GRIN1: variants seen among roughly 807,000 people sequenced by gnomAD.
The protein encoded by GRIN1 is glutamate receptor ionotropic, NMDA 1.
Under a neutral mutation model 103.0 loss-of-function variants are expected in GRIN1, and 38 were observed. The observed-to-expected ratio is 0.37, with a 90% CI of 0.28 to 0.48. The LOEUF is 0.48. Ranked by LOEUF, GRIN1 falls within the 20% of genes least tolerant of loss-of-function variation. The pLI, the probability that GRIN1 is intolerant of heterozygous loss-of-function variation, is 0.98. For missense variants in GRIN1, 577 were observed against 1,288.9 expected, an observed-to-expected ratio of 0.45 and a Z score of 8.46; for synonymous variants, 544 against 532.7, an observed-to-expected ratio of 1.02 and a Z score of -0.29.
At chr9:137,154,618 A>G (rs1833113816) in intron 4 of GRIN1, among the ~76,000 whole-genome samples, 2 of 150,970 alleles carry the variant, frequency 1.3e-5, no homozygotes, top group South Asian at 4.2e-4. Flanking sequence ...CACCCCGGCT[A>G]ATTTTTTTGT....
intron 8 of GRIN1, among the ~76,000 whole-genome samples, chr9:137,159,679 A>AT (rs1356427418): frequency 1.3e-5 from 2 of 152,362 alleles, no homozygotes; most frequent in East Asian, 1.9e-4. Flanking sequence ...GGCCTCACTA[A>AT]TTTTTTAAAA....
intron 2 of GRIN1, among the ~76,000 whole-genome samples, chr9:137,144,387 G>A (rs558429127): frequency 2.6e-5 from 4 of 151,262 alleles, no homozygotes; most frequent in Admixed American, 2.0e-4. Context: ...GGGCGCGGTG[G>A]CTCACGCCTG....
Position 137,168,141 on chromosome 9 carries a change from C to T in GRIN1, c.*614C>T. On this transcript the variant is annotated 3_prime_UTR_variant, in exon 20 of 20. Transcript: ENST00000371561. ...GGAGCGGGGGCTAACTGGCCCCAGG[C>T]GGAGGGGCTTGGAGCAGAGACGGCA... is the stretch of plus-strand genomic sequence containing the variant. The T allele has an allele frequency of 1.9e-6, 1 of 517,328 alleles. No individual in the cohort carries two copies. The highest frequency in any genetic ancestry group is 3.5e-6 in the Non-Finnish European group (1 of 289,010). The allele number at this position is 517,328 out of a possible 1,614,324, so 32.0% of individuals were successfully genotyped here.
chr9:137,153,056 C>T (rs574578772), intron 4 of GRIN1, among the ~76,000 whole-genome samples: 4 of 151,682 alleles, frequency 2.6e-5, no homozygotes, highest in East Asian at 1.9e-4. Context: ...AACACATACA[C>T]GTGCACACAT....
intron 19 of GRIN1, among the ~76,000 whole-genome samples, chr9:137,167,178 T>C (rs1833927098): frequency 6.6e-6 from 1 of 151,362 alleles, no homozygotes; most frequent in African/African-American, 2.4e-5. Flanking sequence ...CAGCTGGGGG[T>C]CTGGGCAGGG....
chr9:137,160,790 A>C (rs963643618), intron 8 of GRIN1, among the ~76,000 whole-genome samples: 6 of 152,328 alleles, frequency 3.9e-5, no homozygotes, highest in Middle Eastern at 3.4e-3. Context: ...CCAGCTCTCC[A>C]GGAGTCTTTT....
rs367543116 is a variant in GRIN1 at position 137,163,211 on chromosome 9, C to T, written c.2214C>T (p.Phe738=). 3.8e-5 allele frequency: 62 copies of T among 1,613,602 alleles called. No homozygotes were observed. The African/African-American group carries it at 7.6e-4, about 20-fold the overall frequency. The change falls in exon 16 of 20, where the codon TTC becomes TTT. Residue 738 remains phenylalanine, a synonymous_variant. Coordinates refer to ENST00000371561, the MANE Select transcript of GRIN1 (RefSeq NM_007327.4). ...TCTGGGACTCGGCGGTGCTGGAGTT[C>T]GAGGCCTCGCAGAAGTGCGACCTGG... The part of the protein sequence containing the change: ...AFIWDSAVLE[F]EASQKCDLVT...
rs768074099 is a variant in GRIN1, at chr9:137,161,151, CAAG to C, written c.1297_1299del (p.Lys433del). On this transcript the variant is annotated inframe_deletion, in exon 9 of 20. Transcript: ENST00000371561. ...AGTTCACAGTCAACGGCGACCCAGT[CAAG>C]AAGGTGATCTGCACCGGGCCCAACG... 3 of 1,612,462 alleles carry C rather than the reference CAAG, an allele frequency of 1.9e-6. No homozygotes were observed. In the South Asian group the frequency reaches 3.3e-5, roughly 18 times the overall value.
chr9:137,147,857 G>T (rs1395722031), intron 3 of GRIN1, among the ~76,000 whole-genome samples: 2 of 152,210 alleles, frequency 1.3e-5, no homozygotes, highest in Non-Finnish European at 2.9e-5. Context: ...GCGGCAGGTG[G>T]GGCTCCCTCC....
At position 137,167,875 on chromosome 9, in the gene GRIN1, C is replaced by G; in HGVS notation, c.*348C>G. On this transcript the variant is annotated 3_prime_UTR_variant, in exon 20 of 20. Coordinates refer to ENST00000371561, the MANE Select transcript of GRIN1 (RefSeq NM_007327.4). ...GGAGGCGCCCACCTGCCCAGTTAGC[C>G]CGGCCAAGGACACTGATGGGTCCTG... is the stretch of plus-strand genomic sequence containing the variant. The G allele has an allele frequency of 6.3e-7, 1 of 1,593,274 alleles. No individual in the cohort carries two copies.
chr9:137,150,700 G>T (rs1321921571), intron 4 of GRIN1, among the ~76,000 whole-genome samples: 1 of 105,744 alleles, frequency 9.5e-6, no homozygotes, highest in Non-Finnish European at 1.9e-5. Context: ...AAAAAGACCT[G>T]CCCAGGGAAA....
At chr9:137,157,102 A>AGATGG in intron 6 of GRIN1, 65 bp downstream of exon 6, 1 of 589,582 alleles carries the variant, frequency 1.7e-6, no homozygotes, top group Admixed American at 3.1e-5. Context: ...GTCACTCCAG[A>AGATGG]GATGGGCGGG....
intron 4 of GRIN1, 74 bp downstream of exon 4, chr9:137,149,183 G>C (rs561465871): frequency 2.1e-4 from 223 of 1,041,828 alleles, no homozygotes; most frequent in South Asian, 2.6e-4. Context: ...CTGAGCCAGA[G>C]CTGGGACATT....
intron 2 of GRIN1, among the ~76,000 whole-genome samples, chr9:137,142,609 C>T (rs1832238491): frequency 1.3e-5 from 2 of 152,326 alleles, no homozygotes; most frequent in South Asian, 2.1e-4. Flanking sequence ...CCAGTGACAC[C>T]CCCTCAGGAC....
chr9:137,165,284 C>T lies in GRIN1; in HGVS notation c.2688C>T (p.Ser896=), dbSNP rs774575241. The change falls in exon 19 of 20, where the codon TCC becomes TCT. Residue 896 remains serine, a synonymous_variant. Coordinates refer to ENST00000371561, the MANE Select transcript of GRIN1 (RefSeq NM_007327.4). Reference sequence around the variant, plus strand: ...CTTCCAGCTTCAAGAGGCGTAGGTCCTCCAAAGACACGGTAAGGGGGAGAG... The same window carrying T: ...CTTCCAGCTTCAAGAGGCGTAGGTCTTCCAAAGACACGGTAAGGGGGAGAG... ...TLASSFKRRR[S]SKDTSTGGGR... 1.4e-5 allele frequency: 22 copies of T among 1,603,930 alleles called. 1 individual carries two copies. The highest frequency in any genetic ancestry group is 1.6e-5 in the Non-Finnish European group (19 of 1,172,432).
At chr9:137,144,392 C>A (rs375065301) in intron 2 of GRIN1, among the ~76,000 whole-genome samples, 22 of 149,400 alleles carry the variant, frequency 1.5e-4, no homozygotes, top group Non-Finnish European at 2.7e-4. Flanking sequence ...CGGTGGCTCA[C>A]GCCTGTAATC....
intron 10 of GRIN1, 110 bp downstream of exon 10, chr9:137,161,526 G>T (rs1170435098): frequency 1.9e-6 from 2 of 1,054,226 alleles, no homozygotes; most frequent in African/African-American, 3.2e-5. Context: ...GGGTCCTGGG[G>T]TGAGTGGGGC....
At chr9:137,155,162 CA>C (rs1223834381) in intron 4 of GRIN1, among the ~76,000 whole-genome samples, 2 of 152,226 alleles carry the variant, frequency 1.3e-5, no homozygotes, top group African/African-American at 4.8e-5. Context: ...CTTTTGTTTA[CA>C]ACTGTTTTGC....
chr9:137,161,869 T>C, intron 10 of GRIN1, 55 bp from the exon 11 acceptor site: 1 of 1,536,174 alleles, frequency 6.5e-7, no homozygotes, highest in Non-Finnish European at 8.8e-7. Context: ...GGGGTACCTG[T>C]GGCGGGAGCT....
Sources: gnomAD v4.1 joint callset for allele counts (sites outside exome capture counted in the v4.1 genomes callset) on GRCh38, gnomAD v4.1.1 for gene constraint, MANE v1.5 for transcripts, NCBI Gene and HGNC (gene_info 2026-07-23, HGNC 2026-07-21) for gene names.